POT1: variants seen among roughly 807,000 people sequenced by gnomAD.
POT1 encodes protection of telomeres protein 1.
POT1 carries 47 observed loss-of-function variants against 78.5 expected under a neutral mutation model. That is an observed-to-expected ratio of 0.60 (90% CI 0.47 to 0.76). The LOEUF (loss-of-function observed/expected upper bound fraction) is 0.76. Ranked by LOEUF, POT1 falls within the 30% of genes least tolerant of loss-of-function variation. The probability of loss-of-function intolerance (pLI) is 0.00; values close to 1 mark genes in which losing one functional copy is unlikely to be tolerated. For synonymous variants in POT1, 259 were observed against 260.7 expected (o/e 0.99, Z 0.06); for missense variants, 646 against 749.9 (o/e 0.86, Z 1.62).
chr7:124,894,167 A>G (rs1367920937), intron 5 of POT1, among the ~76,000 whole-genome samples: 1 of 151,622 alleles, frequency 6.6e-6, no homozygotes, highest in East Asian at 1.9e-4. Context: ...CTCAAATTAA[A>G]AAATTAGTTT....
chr7:124,915,013 T>C (rs568220669), intron 3 of POT1, among the ~76,000 whole-genome samples: 1 of 152,332 alleles, frequency 6.6e-6, no homozygotes, highest in South Asian at 2.1e-4. Context: ...TTCTACCTCA[T>C]ATTACTTTAT....
chr7:124,866,017 TA>T (rs1300892761), intron 7 of POT1, among the ~76,000 whole-genome samples: 1 of 152,198 alleles, frequency 6.6e-6, no homozygotes, highest in East Asian at 1.9e-4. Context: ...TGCTATACTG[TA>T]AAGACTCTGA....
chr7:124,910,381 T>C lies in POT1; in HGVS notation c.-154+5193A>G, dbSNP rs191333710. On this transcript the variant is annotated intron_variant, in intron 3 of 18. Coordinates refer to ENST00000357628, the MANE Select transcript of POT1 (RefSeq NM_015450.3). Reference sequence around the variant, plus strand: ...TACTTATTCTAAGTCCTTTAACAAATGTTAGCCTTAGAGGGTTATCTTCAT... The same window carrying C: ...TACTTATTCTAAGTCCTTTAACAAACGTTAGCCTTAGAGGGTTATCTTCAT... Among the ~76,000 whole-genome samples, 181 of 152,122 alleles carry C rather than the reference T, an allele frequency of 1.2e-3. 1 individual carries two copies. The highest frequency in any genetic ancestry group is 3.9e-3 in the African/African-American group (161 of 41,564).
intron 7 of POT1, among the ~76,000 whole-genome samples, chr7:124,866,339 T>C (rs1014334263): frequency 6.6e-6 from 1 of 152,204 alleles, no homozygotes; most frequent in Non-Finnish European, 1.5e-5. Flanking sequence ...CTCAGCTGAA[T>C]GTCCAAGCTG....
At chr7:124,901,832 T>A (rs1035579379) in intron 3 of POT1, among the ~76,000 whole-genome samples, 5 of 152,114 alleles carry the variant, frequency 3.3e-5, no homozygotes, top group Admixed American at 2.6e-4. Flanking sequence ...AGACCTTAAA[T>A]GACCTGATGA....
chr7:124,881,626 T>C (rs1796120694), intron 6 of POT1, among the ~76,000 whole-genome samples: 1 of 151,978 alleles, frequency 6.6e-6, no homozygotes, highest in Non-Finnish European at 1.5e-5. Context: ...ATATGTCTTA[T>C]TTAACTGCTC....
chr7:124,879,613 C>T (rs1240175131), intron 6 of POT1, among the ~76,000 whole-genome samples: 1 of 151,998 alleles, frequency 6.6e-6, no homozygotes, highest in Non-Finnish European at 1.5e-5. Context: ...GAGCAGGGGG[C>T]TACCGTTATT....
At chr7:124,904,728 AT>A (rs1199164148) in intron 3 of POT1, among the ~76,000 whole-genome samples, 1 of 152,206 alleles carries the variant, frequency 6.6e-6, no homozygotes, top group Non-Finnish European at 1.5e-5. Context: ...AGATGACATG[AT>A]TATATGTTTA....
chr7:124,845,959 T>C (rs993612044), intron 12 of POT1, among the ~76,000 whole-genome samples: 2 of 152,132 alleles, frequency 1.3e-5, no homozygotes, highest in African/African-American at 4.8e-5. Flanking sequence ...TAGTACAAGG[T>C]TACTCCATAC....
At chr7:124,833,315 T>C (rs1057377210) in intron 15 of POT1, among the ~76,000 whole-genome samples, 6 of 152,182 alleles carry the variant, frequency 3.9e-5, no homozygotes, top group Non-Finnish European at 5.9e-5. Context: ...GGAGGTATCA[T>C]GCTTACCGTA....
chr7:124,873,292 AAT>A (rs1795913387), intron 6 of POT1, among the ~76,000 whole-genome samples: 1 of 152,140 alleles, frequency 6.6e-6, no homozygotes, highest in African/African-American at 2.4e-5. Context: ...TACTACATTG[AAT>A]AGAGTGGGCA....
chr7:124,915,933 G>T (rs1797004659), intron 2 of POT1, among the ~76,000 whole-genome samples: 1 of 152,004 alleles, frequency 6.6e-6, no homozygotes, highest in Non-Finnish European at 1.5e-5. Flanking sequence ...ACTTTCCCTA[G>T]CTTTGTTTTA....
intron 6 of POT1, among the ~76,000 whole-genome samples, chr7:124,883,459 T>C (rs1189343411): frequency 6.6e-6 from 1 of 152,126 alleles, no homozygotes; most frequent in Non-Finnish European, 1.5e-5. Context: ...TCCCATGTCA[T>C]ATTATCTGGC....
At chr7:124,889,230 A>G (rs1796313273) in intron 6 of POT1, among the ~76,000 whole-genome samples, 1 of 152,080 alleles carries the variant, frequency 6.6e-6, no homozygotes, top group Non-Finnish European at 1.5e-5. Flanking sequence ...GTCTGCATAG[A>G]TGATCAAACC....
chr7:124,836,438 C>T (rs1452624687), intron 14 of POT1, among the ~76,000 whole-genome samples: 1 of 152,152 alleles, frequency 6.6e-6, no homozygotes, highest in African/African-American at 2.4e-5. Context: ...ACAATATTCC[C>T]TAAGCATGCT....
chr7:124,868,968 A>G (rs1034231400), intron 7 of POT1, among the ~76,000 whole-genome samples: 2 of 152,052 alleles, frequency 1.3e-5, no homozygotes, highest in African/African-American at 4.8e-5. Context: ...AAGTTATGAC[A>G]AATTAAAAAC....
chr7:124,898,821 T>C (rs1334462982), intron 3 of POT1, among the ~76,000 whole-genome samples: 2 of 152,092 alleles, frequency 1.3e-5, no homozygotes, highest in Admixed American at 6.6e-5. Flanking sequence ...TAATAAGAAA[T>C]TTCCATTTAT....
At chr7:124,893,926 A>G (rs1215292166) in intron 5 of POT1, among the ~76,000 whole-genome samples, 4 of 151,556 alleles carry the variant, frequency 2.6e-5, no homozygotes, top group Non-Finnish European at 3.0e-5. Context: ...GTATTGGCTT[A>G]TAACACATCA....
intron 9 of POT1, among the ~76,000 whole-genome samples, chr7:124,857,490 C>A (rs908709949): frequency 1.3e-5 from 2 of 152,278 alleles, no homozygotes; most frequent in South Asian, 4.1e-4. Flanking sequence ...TGGCCCACCC[C>A]ACCTGACATC....
Sources: allele counts gnomAD v4.1 joint callset (sites outside exome capture counted in the v4.1 genomes callset), GRCh38; gene constraint gnomAD v4.1.1; transcripts MANE v1.5; gene names NCBI Gene and HGNC (gene_info 2026-07-23, HGNC 2026-07-21).